The following PTPRD variants were observed in gnomAD, a reference collection of about 807,000 sequenced individuals.
The protein encoded by PTPRD is protein tyrosine phosphatase receptor type D, also known as receptor-type tyrosine-protein phosphatase delta.
A neutral mutation model predicts 214.5 loss-of-function variants in PTPRD; 34 were observed. The observed-to-expected ratio is 0.16, with a 90% CI of 0.12 to 0.21. The LOEUF (loss-of-function observed/expected upper bound fraction) is 0.21, where lower values mean the gene tolerates loss of function less well. Among genes scored for constraint, PTPRD ranks in the 10% least tolerant of loss-of-function variants. PTPRD has a pLI of 1.00. For synonymous variants in PTPRD, 1,128 were observed against 845.7 expected (o/e 1.33, Z -5.79); for missense variants, 2,545 against 2,398.7 (o/e 1.06, Z -1.27).
intron 11 of PTPRD, among the ~76,000 whole-genome samples, chr9:8,904,055 A>C (rs1202051815): frequency 6.6e-6 from 1 of 152,220 alleles, no homozygotes; most frequent in African/African-American, 2.4e-5. Flanking sequence ...ATTTACAAAA[A>C]AGTTGCAATA....
chr9:9,031,223 T>C (rs1158890880), intron 10 of PTPRD, among the ~76,000 whole-genome samples: 7 of 151,948 alleles, frequency 4.6e-5, no homozygotes, highest in East Asian at 1.9e-4. Flanking sequence ...ATATTACTAA[T>C]GCCTGAAAGG....
intron 9 of PTPRD, among the ~76,000 whole-genome samples, chr9:9,283,426 T>C (rs1261637236): frequency 2.0e-5 from 3 of 151,452 alleles, no homozygotes; most frequent in Non-Finnish European, 3.0e-5. Context: ...ACAGGTTCAA[T>C]TATATCTTCT....
At chr9:10,097,842 T>C (rs1049166594) in intron 3 of PTPRD, among the ~76,000 whole-genome samples, 76 of 151,810 alleles carry the variant, frequency 5.0e-4, no homozygotes, top group African/African-American at 1.7e-3. Flanking sequence ...TGCTTCCAGC[T>C]TTTGTCCATT....
chr9:9,338,539 G>T (rs372277854), intron 9 of PTPRD, among the ~76,000 whole-genome samples: 1 of 151,898 alleles, frequency 6.6e-6, no homozygotes, highest in Non-Finnish European at 1.5e-5. Context: ...ACAGAAACTG[G>T]TAGAAAGATA....
intron 9 of PTPRD, among the ~76,000 whole-genome samples, chr9:9,208,271 C>A (rs1451476819): frequency 6.6e-6 from 1 of 151,622 alleles, no homozygotes; most frequent in East Asian, 2.0e-4. Context: ...GCCTCGGCCT[C>A]CCAAAGTGCT....
chr9:8,938,862 A>G (rs1348532407), intron 11 of PTPRD, among the ~76,000 whole-genome samples: 1 of 152,146 alleles, frequency 6.6e-6, no homozygotes, highest in Non-Finnish European at 1.5e-5. Flanking sequence ...ATTAATTAAG[A>G]CAAGTTCAAA....
intron 25 of PTPRD, among the ~76,000 whole-genome samples, chr9:8,498,540 C>T (rs1016354474): frequency 3.9e-5 from 6 of 152,266 alleles, no homozygotes; most frequent in African/African-American, 7.2e-5. Context: ...CAGACGAGAA[C>T]GTAGAACTGG....
chr9:9,559,193 C>T (rs1021702739), intron 8 of PTPRD, among the ~76,000 whole-genome samples: 7 of 152,088 alleles, frequency 4.6e-5, no homozygotes, highest in Non-Finnish European at 7.4e-5. Context: ...ATCAACACAC[C>T]CATCCCGCTA....
chr9:8,419,473 A>G (rs897850893), intron 35 of PTPRD, among the ~76,000 whole-genome samples: 3 of 152,080 alleles, frequency 2.0e-5, no homozygotes, highest in African/African-American at 2.4e-5. Flanking sequence ...CAAAAAGCCT[A>G]AACAATTTCA....
Position 9,351,063 on chromosome 9 carries a change from G to C in PTPRD, c.-203+46386C>G, listed in dbSNP as rs1048112703. 2.0e-5 allele frequency among the ~76,000 whole-genome samples: 3 copies of C among 152,044 alleles called. No individual in the cohort carries two copies. In the East Asian group the frequency reaches 5.8e-4, roughly 30 times the overall value. On this transcript the variant is annotated intron_variant, in intron 9 of 45. Transcript: ENST00000381196. ...GTCAAGTCTCAATTACCTTTGGCTT[G>C]GGGAATAGGGTTACATGAACACTTG...
intron 3 of PTPRD, among the ~76,000 whole-genome samples, chr9:10,318,921 T>C (rs921425715): frequency 6.6e-6 from 1 of 152,014 alleles, no homozygotes; most frequent in Non-Finnish European, 1.5e-5. Flanking sequence ...AGTCTGAAAA[T>C]AGGGCTAAGA....
rs930955872 is a variant in PTPRD, at chr9:8,977,180, C to T, written c.-104+41517G>A. Among the ~76,000 whole-genome samples the T allele has an allele frequency of 5.3e-5, 8 of 152,028 alleles. No individual in the cohort carries two copies. In the East Asian group the frequency reaches 5.8e-4, roughly 11 times the overall value. On this transcript the variant is annotated intron_variant, in intron 11 of 45. Coordinates refer to ENST00000381196, the MANE Select transcript of PTPRD (RefSeq NM_002839.4). ...TATTTTCCCAGCAACTTCAAAAATT[C>T]GGGCCTCTATTAGTCTCTGCTGGTT... is the stretch of plus-strand genomic sequence containing the variant.
At chr9:8,329,003 T>C (rs12555185) in intron 44 of PTPRD, among the ~76,000 whole-genome samples, 22,589 of 152,154 alleles carry the variant, frequency 0.15, 2,150 homozygotes, top group East Asian at 0.38. Context: ...GAGTTTGTTA[T>C]TACCCACGTT....
At chr9:9,507,456 T>G (rs958375445) in intron 8 of PTPRD, among the ~76,000 whole-genome samples, 2 of 150,636 alleles carry the variant, frequency 1.3e-5, no homozygotes, top group Admixed American at 1.3e-4. Flanking sequence ...TAGAGAAAAA[T>G]AAAAATACTC....
At chr9:10,370,168 T>C (rs967453464) in intron 2 of PTPRD, among the ~76,000 whole-genome samples, 2 of 152,104 alleles carry the variant, frequency 1.3e-5, no homozygotes, top group African/African-American at 4.8e-5. Flanking sequence ...TAGGACGTTG[T>C]TAAGTCACAT....
chr9:8,410,501 C>A (rs1264919325), intron 35 of PTPRD, among the ~76,000 whole-genome samples: 1 of 152,166 alleles, frequency 6.6e-6, no homozygotes, highest in Non-Finnish European at 1.5e-5. Flanking sequence ...CTTACTGAGT[C>A]TCTCTCTGTA....
rs796742794 is a variant in PTPRD at position 8,654,267 on chromosome 9, C to T, written c.65-17423G>A. Among the ~76,000 whole-genome samples the T allele has an allele frequency of 9.9e-5, 15 of 152,252 alleles. 1 individual carries two copies. Among genetic ancestry groups the T allele is most frequent in the African/African-American group, 3.4e-4 (14 of 41,546 alleles). On this transcript the variant is annotated intron_variant, in intron 12 of 45. Transcript: ENST00000381196. Reference sequence around the variant, plus strand: ...GTCAACTACCCCCTACTTGGTACTGCTCTATTCCATTTAAATATTTTAATT... The same window carrying T: ...GTCAACTACCCCCTACTTGGTACTGTTCTATTCCATTTAAATATTTTAATT...
intron 2 of PTPRD, among the ~76,000 whole-genome samples, chr9:10,358,121 C>G (rs887899665): frequency 3.9e-5 from 6 of 151,966 alleles, no homozygotes; most frequent in Non-Finnish European, 7.4e-5. Context: ...ATCTGATTAT[C>G]TAAGGTATCA....
chr9:9,942,261 C>T (rs2091656804), intron 4 of PTPRD, among the ~76,000 whole-genome samples: 1 of 151,954 alleles, frequency 6.6e-6, no homozygotes, highest in African/African-American at 2.4e-5. Context: ...AATGATTTAC[C>T]AATATTATGG....
Sources: gnomAD v4.1 joint callset for allele counts (sites outside exome capture counted in the v4.1 genomes callset) on GRCh38, gnomAD v4.1.1 for gene constraint, MANE v1.5 for transcripts, NCBI Gene and HGNC (gene_info 2026-07-23, HGNC 2026-07-21) for gene names.